IDO2: variants seen among roughly 807,000 people sequenced by gnomAD.
IDO2 encodes the protein indoleamine 2,3-dioxygenase-like 1 protein.
IDO2 carries 46 observed loss-of-function variants against 45.1 expected under a neutral mutation model. The observed-to-expected ratio is 1.02, with a 90% confidence interval of 0.80 to 1.30. IDO2 has a LOEUF of 1.30. Among genes scored for constraint, IDO2 ranks in the 50% most tolerant of loss-of-function variants. The pLI, the probability that IDO2 is intolerant of heterozygous loss-of-function variation, is 0.00. For missense variants in IDO2, 544 were observed against 491.8 expected (o/e 1.11, Z -1.00); for synonymous variants, 218 against 184.9 (o/e 1.18, Z -1.45).
At chr8:39,978,356 G>C (rs1284084343) in intron 3 of IDO2, among the ~76,000 whole-genome samples, 1 of 152,212 alleles carries the variant, frequency 6.6e-6, no homozygotes, top group African/African-American at 2.4e-5. Flanking sequence ...GGGAAGAGGC[G>C]AGCAGAGGGG....
intron 1 of IDO2, among the ~76,000 whole-genome samples, chr8:39,947,788 T>TTTTTTTTTTTTTTTCGTGCTATTTC (rs1807760506): frequency 1.2e-4 from 3 of 24,484 alleles, no homozygotes; most frequent in Non-Finnish European, 4.9e-4. Context: ...GTGCTATTTC[T>TTTTTTTTTTTTTTTCGTGCTATTTC]TTTTTTTTTT....
At chr8:39,995,286 T>TTCTTCTTCTTCTTCC (rs1563438375) in intron 8 of IDO2, 1 of 137,566 alleles carries the variant, frequency 7.3e-6, no homozygotes, top group Admixed American at 7.4e-5. Context: ...CTTCTTCTTC[T>TTCTTCTTCTTCTTCC]TCTTTTTTTT....
At chr8:40,010,103 A>G (rs918492822) in intron 9 of IDO2, among the ~76,000 whole-genome samples, 2 of 152,132 alleles carry the variant, frequency 1.3e-5, no homozygotes, top group African/African-American at 4.8e-5. Flanking sequence ...TATACATTAC[A>G]ATGGTAAGCA....
At chr8:39,966,417 A>T (rs1216281729) in intron 3 of IDO2, among the ~76,000 whole-genome samples, 1 of 152,250 alleles carries the variant, frequency 6.6e-6, no homozygotes, top group Non-Finnish European at 1.5e-5. Flanking sequence ...TGAAACAGGA[A>T]TTGTTTGTGA....
At chr8:39,987,907 G>C in exon 7 of IDO2, 2 of 1,611,632 alleles carry the variant, frequency 1.2e-6, no homozygotes, top group South Asian at 1.1e-5. Flanking sequence ...CTGGGGGAGA[G>C]AGCCTGCATG....
At chr8:39,936,633 T>A (rs889372913) in intron 1 of IDO2, among the ~76,000 whole-genome samples, 4 of 152,180 alleles carry the variant, frequency 2.6e-5, no homozygotes, top group African/African-American at 9.7e-5. Flanking sequence ...ACGGCAGGAT[T>A]TACGGCAAGT....
intron 8 of IDO2, among the ~76,000 whole-genome samples, chr8:39,996,069 A>C (rs1208161944): frequency 1.1e-5 from 1 of 92,132 alleles, no homozygotes; most frequent in East Asian, 4.0e-4. Context: ...TTTATACCTA[A>C]GAGTAAAAAA....
rs1436127054 is a variant in IDO2, at chr8:39,938,600, T to C, written c.-18+3382T>C. Among the ~76,000 whole-genome samples, 6 of 151,866 alleles carry C rather than the reference T, an allele frequency of 4.0e-5. No homozygotes were observed. The East Asian group carries it at 9.6e-4, about 24-fold the overall frequency. On this transcript the variant is annotated intron_variant, in intron 1 of 10. Transcript: ENST00000502986. ...AAAATGACAAGCTCTATATCACATA[T>C]CAATATTAAAATGTGATCTGTGAAA...
intron 8 of IDO2, among the ~76,000 whole-genome samples, chr8:40,004,424 T>C (rs1025217767): frequency 6.7e-6 from 1 of 150,132 alleles, no homozygotes; most frequent in South Asian, 2.1e-4. Context: ...AGATAGATGA[T>C]AGATAGAGAG....
intron 8 of IDO2, among the ~76,000 whole-genome samples, chr8:39,990,395 C>T (rs1387012287): frequency 2.0e-5 from 3 of 152,138 alleles, no homozygotes; most frequent in Non-Finnish European, 4.4e-5. Flanking sequence ...AATTTTTAAA[C>T]CTTGACAAAT....
chr8:39,963,652 C>T, exon 3 of IDO2: 1 of 1,612,518 alleles, frequency 6.2e-7, no homozygotes, highest in African/African-American at 1.3e-5. Flanking sequence ...AAATTGCCAA[C>T]AAACTTCCTC....
At chr8:39,937,769 C>G (rs536207613) in intron 1 of IDO2, among the ~76,000 whole-genome samples, 1 of 152,094 alleles carries the variant, frequency 6.6e-6, no homozygotes, top group Admixed American at 6.6e-5. Context: ...GATCCTCCTG[C>G]GTCAACCTCC....
chr8:39,992,095 A>T (rs1036663964), intron 8 of IDO2, among the ~76,000 whole-genome samples: 2 of 152,232 alleles, frequency 1.3e-5, no homozygotes, highest in Non-Finnish European at 2.9e-5. Flanking sequence ...AGATGGCCCC[A>T]TGCCATCCTG....
chr8:39,960,262 T>G (rs1807971486), intron 2 of IDO2, among the ~76,000 whole-genome samples: 2 of 152,162 alleles, frequency 1.3e-5, no homozygotes, highest in Admixed American at 1.3e-4. Flanking sequence ...TCACACAACT[T>G]GATCTTCACT....
rs192586448 is a variant in IDO2 at position 40,002,368 on chromosome 8, C to T, written c.668-2959C>T. 2.0e-3 allele frequency among the ~76,000 whole-genome samples: 303 copies of T among 152,268 alleles called. 3 individuals carry two copies. The highest frequency in any genetic ancestry group is 6.8e-3 in the African/African-American group (281 of 41,566). On this transcript the variant is annotated intron_variant, in intron 8 of 10. Coordinates refer to ENST00000502986, the Ensembl canonical transcript of IDO2. ...TATCATCTGCCTTAAAAACTCTAGC[C>T]TTGTGGTATTCCTCATTTTCAAGCA...
chr8:40,012,845 C>T (rs1237380522), intron 9 of IDO2, among the ~76,000 whole-genome samples: 2 of 152,200 alleles, frequency 1.3e-5, no homozygotes, highest in African/African-American at 4.8e-5. Context: ...ATGTCCCTGA[C>T]TTCAGCCTCT....
At position 39,999,021 on chromosome 8, in the gene IDO2, G is replaced by T. The variant is rs1172372074; in HGVS notation, c.668-6306G>T. 2.6e-5 allele frequency among the ~76,000 whole-genome samples: 4 copies of T among 152,154 alleles called. No homozygotes were observed. The South Asian group carries it at 6.2e-4, about 24-fold the overall frequency. On this transcript the variant is annotated intron_variant, in intron 8 of 10. Transcript: ENST00000502986. ...CATCCTTTAAGACTTCCTCTAGTGA[G>T]TGTCTGCTGGTGGTAAACTCTCCCC...
At chr8:39,976,056 T>A (rs1174996758) in intron 3 of IDO2, among the ~76,000 whole-genome samples, 3 of 152,158 alleles carry the variant, frequency 2.0e-5, no homozygotes, top group African/African-American at 7.2e-5. Context: ...CCTGGCTCAC[T>A]GAAACCTCCA....
intron 2 of IDO2, among the ~76,000 whole-genome samples, chr8:39,954,059 A>G (rs1807852880): frequency 6.6e-6 from 1 of 152,040 alleles, no homozygotes; most frequent in Admixed American, 6.6e-5. Context: ...TTTTCCGGCC[A>G]TTTTATTGTT....
Sources: gnomAD v4.1 joint callset for allele counts (sites outside exome capture counted in the v4.1 genomes callset) on GRCh38, gnomAD v4.1.1 for gene constraint, MANE v1.5 for transcripts, NCBI Gene and HGNC (gene_info 2026-07-23, HGNC 2026-07-21) for gene names.